Variants in LRRTM4 observed in about 807,000 individuals in gnomAD.
LRRTM4 encodes leucine-rich repeat transmembrane neuronal protein 4.
A neutral mutation model predicts 47.6 loss-of-function variants in LRRTM4; 25 were observed. The observed-to-expected ratio is 0.53, with a 90% CI of 0.38 to 0.73. LRRTM4 has a LOEUF of 0.73. Among genes scored for constraint, LRRTM4 ranks in the 30% least tolerant of loss-of-function variants. The probability of loss-of-function intolerance (pLI) is 0.00; values close to 1 mark genes in which losing one functional copy is unlikely to be tolerated. For synonymous variants in LRRTM4, 311 were observed against 269.5 expected (o/e 1.15, Z -1.51); for missense variants, 638 against 713.4 (o/e 0.89, Z 1.20).
chr2:76,895,710 C>T (rs905954056), intron 3 of LRRTM4, among the ~76,000 whole-genome samples: 5 of 152,002 alleles, frequency 3.3e-5, no homozygotes, highest in African/African-American at 9.7e-5. Context: ...TGGAATGTGA[C>T]GAGCCACAGT....
intron 3 of LRRTM4, among the ~76,000 whole-genome samples, chr2:77,370,130 C>T (rs1333202490): frequency 6.6e-6 from 1 of 151,690 alleles, no homozygotes; most frequent in Non-Finnish European, 1.5e-5. Context: ...CTGACAAACA[C>T]AAGCAAGGTT....
intron 3 of LRRTM4, among the ~76,000 whole-genome samples, chr2:76,813,114 A>C (rs931631147): frequency 5.9e-5 from 9 of 152,016 alleles, no homozygotes; most frequent in African/African-American, 2.4e-5. Flanking sequence ...CAGTGAGCCA[A>C]GATCACCCCA....
intron 3 of LRRTM4, among the ~76,000 whole-genome samples, chr2:77,352,039 T>C (rs890340491): frequency 2.0e-5 from 3 of 152,066 alleles, no homozygotes; most frequent in Non-Finnish European, 4.4e-5. Context: ...AAATTAAAGG[T>C]CAAGCTGCAT....
chr2:76,798,586 G>C (rs1183965485), intron 3 of LRRTM4, among the ~76,000 whole-genome samples: 2 of 150,600 alleles, frequency 1.3e-5, no homozygotes, highest in East Asian at 1.9e-4. Flanking sequence ...CAGAAGGCAA[G>C]AAATAACTAA....
chr2:76,967,156 GCTTT>G (rs1025215387), intron 3 of LRRTM4, among the ~76,000 whole-genome samples: 7 of 136,724 alleles, frequency 5.1e-5, no homozygotes, highest in African/African-American at 2.0e-4. Context: ...GCATTCCCTT[GCTTT>G]TTTTTTTTTT....
intron 3 of LRRTM4, among the ~76,000 whole-genome samples, chr2:76,853,340 T>A (rs549370533): frequency 3.3e-5 from 5 of 152,080 alleles, no homozygotes; most frequent in Non-Finnish European, 5.9e-5. Flanking sequence ...CTCTAGATTG[T>A]TTTTCCTTTC....
intron 3 of LRRTM4, among the ~76,000 whole-genome samples, chr2:77,151,433 T>C (rs775396043): frequency 1.4e-4 from 22 of 152,190 alleles, no homozygotes; most frequent in Non-Finnish European, 2.1e-4. Context: ...ATCTAACAAA[T>C]CCACTTTTGG....
chr2:77,322,508 C>G (rs150106403), intron 3 of LRRTM4, among the ~76,000 whole-genome samples: 3,283 of 151,952 alleles, frequency 0.022, 120 homozygotes, highest in African/African-American at 0.074. Flanking sequence ...AGATACTTTC[C>G]TAAGTGTTAG....
At chr2:77,300,611 T>C (rs1355755104) in intron 3 of LRRTM4, among the ~76,000 whole-genome samples, 2 of 152,196 alleles carry the variant, frequency 1.3e-5, no homozygotes, top group Non-Finnish European at 2.9e-5. Context: ...AACAAACAGC[T>C]ACAGCTGCTG....
chr2:77,454,164 A>C (rs1328437866), intron 3 of LRRTM4, among the ~76,000 whole-genome samples: 1 of 152,232 alleles, frequency 6.6e-6, no homozygotes, highest in Non-Finnish European at 1.5e-5. Flanking sequence ...TGTCTATTAA[A>C]GCAGAAATTC....
At chr2:76,777,433 C>A (rs1415215818) in intron 3 of LRRTM4, among the ~76,000 whole-genome samples, 4 of 145,018 alleles carry the variant, frequency 2.8e-5, no homozygotes, top group African/African-American at 7.8e-5. Context: ...CTTTTATTTC[C>A]TGGAGCAGTG....
chr2:76,988,720 C>G (rs1341052313), intron 3 of LRRTM4, among the ~76,000 whole-genome samples: 2 of 151,742 alleles, frequency 1.3e-5, no homozygotes, highest in African/African-American at 4.8e-5. Flanking sequence ...TCCAAGAACT[C>G]TCGTCAGTTC....
At chr2:77,443,144 G>A (rs1675913006) in intron 3 of LRRTM4, among the ~76,000 whole-genome samples, 1 of 152,140 alleles carries the variant, frequency 6.6e-6, no homozygotes, top group African/African-American at 2.4e-5. Flanking sequence ...GGAAAATTGT[G>A]TAAGATGGGT....
chr2:77,095,467 C>T (rs540402210), intron 3 of LRRTM4, among the ~76,000 whole-genome samples: 1 of 150,950 alleles, frequency 6.6e-6, no homozygotes, highest in Admixed American at 6.6e-5. Context: ...TTCATGGTAA[C>T]ATTATTCATA....
At chr2:76,985,393 G>C (rs1267522780) in intron 3 of LRRTM4, among the ~76,000 whole-genome samples, 2 of 151,974 alleles carry the variant, frequency 1.3e-5, no homozygotes, top group African/African-American at 4.8e-5. Context: ...AGCCCCAGTG[G>C]GATAGCATTT....
intron 3 of LRRTM4, among the ~76,000 whole-genome samples, chr2:76,925,554 C>T (rs1279551298): frequency 2.0e-5 from 3 of 152,136 alleles, no homozygotes; most frequent in South Asian, 2.1e-4. Context: ...AACTAATAGA[C>T]GTTCTGATGC....
Position 77,377,022 on chromosome 2 carries a change from AT to A in LRRTM4, c.1551+141295del, listed in dbSNP as rs570158010. Among the ~76,000 whole-genome samples the A allele has an allele frequency of 7.7e-3, 1,164 of 151,832 alleles. 5 individuals are homozygous for A. Among genetic ancestry groups the A allele is most frequent in the Middle Eastern group, 0.034 (10 of 294 alleles). The stretch of plus-strand genomic sequence containing the variant: ...TATTTATATCACTAAGGGCATGTTT[AT>A]TTTATATTATGAGTGATGATATAAT... On this transcript the variant is annotated intron_variant, in intron 3 of 3. Coordinates refer to ENST00000409884, the MANE Select transcript of LRRTM4 (RefSeq NM_001134745.3).
Position 77,021,819 on chromosome 2 carries a change from C to T in LRRTM4, c.1552-272903G>A, listed in dbSNP as rs562350652. Among the ~76,000 whole-genome samples the T allele has an allele frequency of 3.3e-5, 5 of 149,402 alleles. No homozygotes were observed. In the East Asian group the frequency reaches 9.8e-4, roughly 29 times the overall value. The stretch of plus-strand genomic sequence containing the variant: ...ATGCCATAAATTTTTAATATGTATT[C>T]AAGGTGCACAACATGATGATTTCAT... On this transcript the variant is annotated intron_variant, in intron 3 of 3. Transcript: ENST00000409884.
intron 3 of LRRTM4, among the ~76,000 whole-genome samples, chr2:77,414,916 C>CT (rs898512462): frequency 2.6e-5 from 4 of 151,982 alleles, no homozygotes; most frequent in African/African-American, 9.7e-5. Context: ...TTTCCAATGC[C>CT]TTTTTTTTCA....
Sources: gnomAD v4.1 joint callset for allele counts (sites outside exome capture counted in the v4.1 genomes callset) on GRCh38, gnomAD v4.1.1 for gene constraint, MANE v1.5 for transcripts, NCBI Gene and HGNC (gene_info 2026-07-23, HGNC 2026-07-21) for gene names.